Variants in DEAF1 observed in about 807,000 individuals in gnomAD.
The protein encoded by DEAF1 is deformed epidermal autoregulatory factor 1 homolog.
In DEAF1, 53 loss-of-function variants were observed where a neutral mutation model predicts 58.9. The observed-to-expected ratio is 0.90, with a 90% CI of 0.72 to 1.13. The LOEUF is 1.13. DEAF1 is among the 50% of genes most tolerant of loss of function. DEAF1 has a pLI of 0.00. For missense variants in DEAF1, 685 were observed against 791.4 expected, an observed-to-expected ratio of 0.87 and a Z score of 1.61; for synonymous variants, 385 against 340.4, an observed-to-expected ratio of 1.13 and a Z score of -1.44.
intron 11 of DEAF1, chr11:651,097 G>C (rs1257768637): frequency 1.9e-5 from 3 of 154,256 alleles, no homozygotes; most frequent in Non-Finnish European, 4.3e-5. Context: ...CTAGTAGCTG[G>C]GATTACAGGC....
intron 1 of DEAF1, among the ~76,000 whole-genome samples, chr11:701,701 G>A (rs1422385021): frequency 7.2e-5 from 11 of 152,020 alleles, no homozygotes; most frequent in East Asian, 1.9e-4. Flanking sequence ...GAGCCACCGC[G>A]CCCGGCCGGA....
chr11:697,476 C>T (rs1463771838), upstream of DEAF1: 2 of 152,190 alleles, frequency 1.3e-5, no homozygotes, highest in African/African-American at 2.4e-5. Flanking sequence ...ATTGTTAGAA[C>T]AGCGTATCTG....
chr11:648,144 CTT>C (rs763693850), intron 11 of DEAF1, among the ~76,000 whole-genome samples: 28 of 151,116 alleles, frequency 1.9e-4, no homozygotes, highest in South Asian at 1.7e-3. Flanking sequence ...CTCGTGTATA[CTT>C]TTGTGTACAT....
chr11:661,198 G>A (rs1301109118), intron 10 of DEAF1, among the ~76,000 whole-genome samples: 1 of 152,228 alleles, frequency 6.6e-6, no homozygotes, highest in Non-Finnish European at 1.5e-5. Flanking sequence ...CCAACAACAA[G>A]CCGGGGCCAG....
At chr11:654,606 GGCTCA>G (rs762577039) in intron 10 of DEAF1, 14 of 455,174 alleles carry the variant, frequency 3.1e-5, no homozygotes, top group Middle Eastern at 3.2e-4. Context: ...CGGGAGCAGC[GGCTCA>G]TACCTGTAAT....
chr11:705,836 G>A (rs1241194643), intron 1 of DEAF1, among the ~76,000 whole-genome samples: 1 of 152,180 alleles, frequency 6.6e-6, no homozygotes, highest in Admixed American at 6.5e-5. Flanking sequence ...GCGTTCCCCC[G>A]TCCCCCGGCC....
At chr11:690,195 C>A in intron 2 of DEAF1, among the ~76,000 whole-genome samples, 1 of 126,256 alleles carries the variant, frequency 7.9e-6, no homozygotes, top group Non-Finnish European at 1.6e-5. Context: ...CACTGCACTC[C>A]AGTTTGGGCA....
At chr11:664,293 G>A (rs1859442005) in intron 10 of DEAF1, among the ~76,000 whole-genome samples, 1 of 151,756 alleles carries the variant, frequency 6.6e-6, no homozygotes, top group African/African-American at 2.4e-5. Context: ...AAAGGAAAAT[G>A]AAACCTACTG....
At chr11:656,385 T>C (rs1038708511) in intron 10 of DEAF1, among the ~76,000 whole-genome samples, 1 of 152,180 alleles carries the variant, frequency 6.6e-6, no homozygotes, top group African/African-American at 2.4e-5. Context: ...CGGAAACTCC[T>C]GACCTCAGGT....
chr11:644,727 G>A lies in DEAF1; in HGVS notation c.1594-73C>T. 8.2e-7 allele frequency: 1 copy of A among 1,223,804 alleles called. No homozygotes were observed. Among genetic ancestry groups the A allele is most frequent in the South Asian group, 1.3e-5 (1 of 78,276 alleles). 75.8% of individuals were successfully genotyped at this position (1,223,804 alleles called of 1,614,324 possible). On this transcript the variant is annotated intron_variant, in intron 11 of 11. Coordinates refer to ENST00000382409, the MANE Select transcript of DEAF1 (RefSeq NM_021008.4). This position sits in a 1 kb window ranked among gnomAD's most constrained non-coding sequence, Gnocchi z 4.3. ...GGGTCTGGGCAGGGTCCCCAAGGCA[G>A]ACCCCAGAGGGTGCAGCCCTCTGTA...
intron 7 of DEAF1, 86 bp from the exon 8 acceptor site, chr11:679,902 TGTG>T (rs1860269841): frequency 6.3e-7 from 1 of 1,579,272 alleles, no homozygotes; most frequent in Non-Finnish European, 8.6e-7. Context: ...CGCCAATCCT[TGTG>T]GGGGCCTGGG....
At chr11:665,513 G>A (rs1052324739) in intron 10 of DEAF1, among the ~76,000 whole-genome samples, 1 of 152,214 alleles carries the variant, frequency 6.6e-6, no homozygotes, top group Non-Finnish European at 1.5e-5. Flanking sequence ...CTGAGAAAGG[G>A]GCCGCCCTTT....
At chr11:663,490 C>T (rs1859401838) in intron 10 of DEAF1, among the ~76,000 whole-genome samples, 1 of 152,184 alleles carries the variant, frequency 6.6e-6, no homozygotes, top group South Asian at 2.1e-4. Flanking sequence ...AGGCTTTTGG[C>T]CTTTCCTCCT....
chr11:702,527 T>A (rs796744070), intron 1 of DEAF1, among the ~76,000 whole-genome samples: 3 of 152,348 alleles, frequency 2.0e-5, no homozygotes, highest in African/African-American at 7.2e-5. Context: ...TTTTAATACA[T>A]ACTCGTGAAA....
intron 1 of DEAF1, chr11:692,254 G>C (rs1860867379): frequency 6.2e-6 from 1 of 162,376 alleles, no homozygotes; most frequent in African/African-American, 2.4e-5. Context: ...AGTTACCACA[G>C]AGGTCAGCTG....
chr11:701,733 C>T (rs1357475438), intron 1 of DEAF1, among the ~76,000 whole-genome samples: 1 of 152,102 alleles, frequency 6.6e-6, no homozygotes, highest in African/African-American at 2.4e-5. Context: ...GCTATGTTAC[C>T]CTGGTTGGTC....
chr11:702,853 C>T, intron 1 of DEAF1: 2 of 1,290,076 alleles, frequency 1.6e-6, no homozygotes, highest in Non-Finnish European at 2.1e-6. Context: ...CAAGGAGCTG[C>T]TCTGGTCCCA....
chr11:675,584 A>T (rs990614384), intron 9 of DEAF1, among the ~76,000 whole-genome samples: 11 of 152,214 alleles, frequency 7.2e-5, no homozygotes, highest in Non-Finnish European at 2.9e-5. Flanking sequence ...GCACTTTGGG[A>T]GGCCGAGGCG....
intron 9 of DEAF1, among the ~76,000 whole-genome samples, chr11:677,064 G>C (rs1329886767): frequency 1.3e-5 from 2 of 152,000 alleles, no homozygotes; most frequent in African/African-American, 4.8e-5. Context: ...TGGAGAAAAA[G>C]CTCTGATTTC....
Sources: allele counts gnomAD v4.1 joint callset (sites outside exome capture counted in the v4.1 genomes callset), GRCh38; gene constraint gnomAD v4.1.1; non-coding constraint Gnocchi (gnomAD v3.1); transcripts MANE v1.5; gene names NCBI Gene and HGNC (gene_info 2026-07-23, HGNC 2026-07-21).